NBAS: variants seen among roughly 807,000 people sequenced by gnomAD.
The protein encoded by NBAS is NBAS subunit of NRZ tethering complex.
NBAS carries 219 observed loss-of-function variants against 302.5 expected under a neutral mutation model. The ratio of observed to expected loss-of-function variants is 0.72; its 90% CI spans 0.65 to 0.81. NBAS has a LOEUF of 0.81. Ranked by LOEUF, NBAS falls within the 30% of genes least tolerant of loss-of-function variation. The probability of loss-of-function intolerance (pLI) is 0.00; values close to 1 mark genes in which losing one functional copy is unlikely to be tolerated. For missense variants in NBAS, 2,932 were observed against 2,841.6 expected (o/e 1.03, Z -0.72); for synonymous variants, 1,118 against 1,021.6 (o/e 1.09, Z -1.80).
chr2:15,553,640 A>C (rs1304144652), intron 4 of NBAS, among the ~76,000 whole-genome samples, 167 bp from the exon 5 acceptor site: 3 of 152,208 alleles, frequency 2.0e-5, no homozygotes, highest in Non-Finnish European at 4.4e-5. Context: ...CAGGTACAAA[A>C]GCACACAAAA....
chr2:15,489,766 C>CCATATGAGCAGAAAT (rs1200064411), intron 11 of NBAS, among the ~76,000 whole-genome samples: 5 of 152,186 alleles, frequency 3.3e-5, no homozygotes, highest in African/African-American at 9.7e-5. Context: ...ATGACACAAA[C>CCATATGAGCAGAAAT]CATATGAGCA....
chr2:14,810,153 G>A, the NBAS span, among the ~76,000 whole-genome samples: 2 of 152,200 alleles, frequency 1.3e-5, no homozygotes, highest in African/African-American at 4.8e-5. Flanking sequence ...GGACTCTTGA[G>A]TTAATGCTGT....
At chr2:14,950,726 G>A in the NBAS span, among the ~76,000 whole-genome samples, 1 of 152,222 alleles carries the variant, frequency 6.6e-6, no homozygotes, top group Non-Finnish European at 1.5e-5. Context: ...CTGAGGCTGG[G>A]TGGTGGACAG....
At chr2:15,295,917 T>C (rs1006047441) in intron 40 of NBAS, among the ~76,000 whole-genome samples, 2 of 152,082 alleles carry the variant, frequency 1.3e-5, no homozygotes, top group African/African-American at 4.8e-5. Flanking sequence ...TCCTCACAGT[T>C]TGTTATGAGG....
At chr2:14,922,570 C>A in the NBAS span, among the ~76,000 whole-genome samples, 3 of 152,180 alleles carry the variant, frequency 2.0e-5, no homozygotes, top group African/African-American at 4.8e-5. Flanking sequence ...CCTGGCATCT[C>A]TCTCTTCTTA....
the NBAS span, among the ~76,000 whole-genome samples, chr2:15,147,937 T>TTCAGA: frequency 1.3e-5 from 2 of 152,038 alleles, no homozygotes; most frequent in African/African-American, 4.8e-5. Context: ...CTAAATGTGT[T>TTCAGA]TCAGACTGCA....
At chr2:15,404,879 G>A (rs144725834) in intron 25 of NBAS, among the ~76,000 whole-genome samples, 106 of 152,136 alleles carry the variant, frequency 7.0e-4, no homozygotes, top group African/African-American at 2.4e-3. Flanking sequence ...CAAACTTTAC[G>A]TTGAGAATCC....
intron 32 of NBAS, among the ~76,000 whole-genome samples, chr2:15,356,984 A>T (rs1673651085): frequency 6.6e-6 from 1 of 152,156 alleles, no homozygotes; most frequent in Admixed American, 6.5e-5. Context: ...ATTTTAGCAC[A>T]ACTTCTGCTA....
rs984163805 is a variant in NBAS at position 15,312,314 on chromosome 2, G to A, written c.4583-3067C>T. Among the ~76,000 whole-genome samples the A allele has an allele frequency of 8.0e-4, 121 of 151,732 alleles. 1 individual carries two copies. Among genetic ancestry groups the A allele is most frequent in the Non-Finnish European group, 4.4e-5 (3 of 67,918 alleles). ...TAAAGAGATGGGGTCTCAGTCTATT[G>A]CCCAGGCTGTAGTAGAATGGGACAG... On this transcript the variant is annotated intron_variant, in intron 38 of 51. Transcript: ENST00000281513.
At position 15,478,910 on chromosome 2, in the gene NBAS, C is replaced by G. The variant is rs528678261; in HGVS notation, c.1084-621G>C. Among the ~76,000 whole-genome samples, 76 of 152,238 alleles carry G rather than the reference C, an allele frequency of 5.0e-4. 2 individuals carry two copies. The South Asian group carries it at 0.015, about 30-fold the overall frequency. ...TGAGAATAAGCCATTACCTGACGACCTCTTGGCTTAGTGTTCCCTTCTTAG... is the reference window on the plus strand; with the variant it reads ...TGAGAATAAGCCATTACCTGACGACGTCTTGGCTTAGTGTTCCCTTCTTAG... On this transcript the variant is annotated intron_variant, in intron 12 of 51. Transcript: ENST00000281513.
intron 9 of NBAS, among the ~76,000 whole-genome samples, chr2:15,523,642 A>C (rs1662782701): frequency 6.6e-6 from 1 of 152,214 alleles, no homozygotes; most frequent in South Asian, 2.1e-4. Context: ...GGCCAGGCGC[A>C]GTGGCTCATG....
chr2:15,535,634 G>T (rs1663468045), intron 8 of NBAS, among the ~76,000 whole-genome samples: 1 of 151,856 alleles, frequency 6.6e-6, no homozygotes, highest in Non-Finnish European at 1.5e-5. Flanking sequence ...TGTATACTTT[G>T]AATCATCTCT....
intron 48 of NBAS, among the ~76,000 whole-genome samples, chr2:15,200,180 T>G (rs1486517885): frequency 6.6e-6 from 1 of 152,162 alleles, no homozygotes; most frequent in Non-Finnish European, 1.5e-5. Context: ...CATGAGCCAC[T>G]GTGCCTGGCC....
At chr2:15,218,632 G>A in intron 48 of NBAS, 141 bp downstream of exon 48, 2 of 1,030,246 alleles carry the variant, frequency 1.9e-6, no homozygotes, top group Non-Finnish European at 3.0e-6. Context: ...TGTTGGCCAG[G>A]TGCCAGGCTG....
chr2:15,322,639 A>T (rs567649419), intron 38 of NBAS, among the ~76,000 whole-genome samples: 348 of 152,288 alleles, frequency 2.3e-3, no homozygotes, highest in African/African-American at 7.8e-3. Flanking sequence ...CATCAACTTT[A>T]TTAAAAAGTT....
the NBAS span, among the ~76,000 whole-genome samples, chr2:15,059,300 T>C: frequency 6.6e-6 from 1 of 152,252 alleles, no homozygotes; most frequent in Admixed American, 6.5e-5. Flanking sequence ...ACCTTGTACA[T>C]AACTGCTGTA....
At chr2:15,161,963 A>C (rs1663910591), downstream of NBAS, among the ~76,000 whole-genome samples, 1 of 152,152 alleles carries the variant, frequency 6.6e-6, no homozygotes. Flanking sequence ...CAATACCTAT[A>C]GTCTACCTTC....
intron 1 of NBAS, among the ~76,000 whole-genome samples, chr2:15,559,062 CAAA>C (rs70961421): frequency 5.0e-4 from 25 of 50,416 alleles, no homozygotes; most frequent in Non-Finnish European, 7.4e-4. Flanking sequence ...GACCCTGCCT[CAAA>C]AAAAAAAAAA....
At chr2:15,420,322 A>G (rs1205199366) in intron 23 of NBAS, among the ~76,000 whole-genome samples, 1 of 152,226 alleles carries the variant, frequency 6.6e-6, no homozygotes, top group Non-Finnish European at 1.5e-5. Context: ...ATTAAGAGGT[A>G]GACTGAGGTG....
Sources: gnomAD v4.1 joint callset for allele counts (sites outside exome capture counted in the v4.1 genomes callset) on GRCh38, gnomAD v4.1.1 for gene constraint, MANE v1.5 for transcripts, NCBI Gene and HGNC (gene_info 2026-07-23, HGNC 2026-07-21) for gene names.